IGFL2: variants seen among roughly 807,000 people sequenced by gnomAD.
The protein encoded by IGFL2 is IGF like family member 2, also known as insulin growth factor-like family member 2.
Under a neutral mutation model 13.9 loss-of-function variants are expected in IGFL2, and 7 were observed. The ratio of observed to expected loss-of-function variants is 0.51; its 90% confidence interval spans 0.29 to 0.95. The LOEUF (loss-of-function observed/expected upper bound fraction) is 0.95. Ranked by LOEUF, IGFL2 falls within the 40% of genes least tolerant of loss-of-function variation. IGFL2 has a pLI of 0.08. For missense variants in IGFL2, 138 were observed against 147.8 expected, an observed-to-expected ratio of 0.93 and a Z score of 0.34; for synonymous variants, 55 against 55.8, an observed-to-expected ratio of 0.99 and a Z score of 0.07.
At chr19:46,197,437 G>A in the IGFL2 span, 9 of 154,892 alleles carry the variant, frequency 5.8e-5, no homozygotes, top group Admixed American at 1.3e-4. Context: ...TCCTCCCTTC[G>A]TTTTTATTTT....
chr19:46,165,761 T>A (rs1974372283), downstream of IGFL2, among the ~76,000 whole-genome samples: 1 of 152,242 alleles, frequency 6.6e-6, no homozygotes, highest in Non-Finnish European at 1.5e-5. Flanking sequence ...TCTGGCTTGA[T>A]ACAGGCAAAG....
upstream of IGFL2, among the ~76,000 whole-genome samples, chr19:46,146,833 C>G (rs1325581931): frequency 6.6e-6 from 1 of 152,178 alleles, no homozygotes; most frequent in Non-Finnish European, 1.5e-5. Flanking sequence ...AACTCTTCTA[C>G]TAACAATGCA....
At chr19:46,184,741 G>T in the IGFL2 span, among the ~76,000 whole-genome samples, 3 of 152,214 alleles carry the variant, frequency 2.0e-5, no homozygotes, top group African/African-American at 4.8e-5. Context: ...GTTTATAGTA[G>T]AATGATTTAT....
the IGFL2 span, chr19:46,137,167 GT>G: frequency 1.2e-6 from 2 of 1,608,318 alleles, no homozygotes; most frequent in Non-Finnish European, 1.7e-6. Flanking sequence ...CTGGCATGAA[GT>G]TTTTGATGCC....
the IGFL2 span, among the ~76,000 whole-genome samples, chr19:46,104,534 A>T: frequency 3.3e-5 from 5 of 152,310 alleles, 1 homozygote; most frequent in Admixed American, 2.6e-4. Context: ...TGACTGCGGT[A>T]GCCTTCTCAG....
At chr19:46,120,406 G>GA in the IGFL2 span, 1 of 1,606,936 alleles carries the variant, frequency 6.2e-7, no homozygotes, top group Admixed American at 1.7e-5. Flanking sequence ...ATATTCTCAG[G>GA]AAAAAATTAT....
the IGFL2 span, among the ~76,000 whole-genome samples, chr19:46,108,298 A>C: frequency 6.6e-6 from 1 of 152,190 alleles, no homozygotes; most frequent in African/African-American, 2.4e-5. Context: ...GAGGTGTAAA[A>C]GAATGCCTGG....
the IGFL2 span, among the ~76,000 whole-genome samples, chr19:46,176,749 C>G: frequency 6.6e-6 from 1 of 152,186 alleles, no homozygotes; most frequent in African/African-American, 2.4e-5. Context: ...CTGCAGCAGG[C>G]TGCTGTTGAG....
chr19:46,088,551 T>C, the IGFL2 span, among the ~76,000 whole-genome samples: 1 of 152,234 alleles, frequency 6.6e-6, no homozygotes, highest in Non-Finnish European at 1.5e-5. Context: ...TAACCAGAAA[T>C]TAAAACTCTT....
chr19:46,154,540 T>C (rs1402415691), intron 1 of IGFL2, among the ~76,000 whole-genome samples: 3 of 152,084 alleles, frequency 2.0e-5, no homozygotes, highest in African/African-American at 7.2e-5. Context: ...GCCTCCTGGG[T>C]TCACGCCATT....
chr19:46,110,262 T>G, the IGFL2 span, among the ~76,000 whole-genome samples: 1 of 152,344 alleles, frequency 6.6e-6, no homozygotes, highest in East Asian at 1.9e-4. Context: ...AGACCCTGTC[T>G]TTGTTCAGGG....
chr19:46,184,502 A>T, the IGFL2 span, among the ~76,000 whole-genome samples: 1 of 152,010 alleles, frequency 6.6e-6, no homozygotes, highest in African/African-American at 2.4e-5. Context: ...CCCACTTATG[A>T]GTGAGAACAT....
At chr19:46,193,582 G>GA in the IGFL2 span, among the ~76,000 whole-genome samples, 33 of 150,896 alleles carry the variant, frequency 2.2e-4, no homozygotes, top group Non-Finnish European at 3.7e-4. Context: ...AATAAGGAAA[G>GA]AAAAAAAAAT....
At chr19:46,177,407 A>G in the IGFL2 span, among the ~76,000 whole-genome samples, 2 of 152,162 alleles carry the variant, frequency 1.3e-5, no homozygotes, top group Admixed American at 1.3e-4. Flanking sequence ...CAATATACAG[A>G]TAGTTTACTT....
the IGFL2 span, among the ~76,000 whole-genome samples, chr19:46,188,576 C>T: frequency 2.1e-3 from 322 of 152,280 alleles, 5 homozygotes; most frequent in East Asian, 0.016. Flanking sequence ...TTACAATAGA[C>T]CTCCTGGGTC....
chr19:46,119,699 T>G, the IGFL2 span, among the ~76,000 whole-genome samples: 2 of 148,954 alleles, frequency 1.3e-5, no homozygotes, highest in Non-Finnish European at 3.0e-5. Context: ...CTACTGCAGG[T>G]CAATTGGGAT....
intron 1 of IGFL2, chr19:46,159,861 A>T (rs2146884178): frequency 6.4e-6 from 1 of 156,662 alleles, no homozygotes; most frequent in South Asian, 2.0e-4. Context: ...TCACCTACTC[A>T]GGAAGCTGAA....
At chr19:46,136,756 G>A in the IGFL2 span, 7 of 601,092 alleles carry the variant, frequency 1.2e-5, no homozygotes, top group Middle Eastern at 2.0e-3. Flanking sequence ...TAAGCTGTAA[G>A]TTTCGGCTGA....
chr19:46,147,126 CT>C, upstream of IGFL2, among the ~76,000 whole-genome samples: 1 of 152,254 alleles, frequency 6.6e-6, no homozygotes, highest in Non-Finnish European at 1.5e-5. Context: ...CTGTCTGTTC[CT>C]TTTCTGTTCT....
Sources: allele counts gnomAD v4.1 joint callset (sites outside exome capture counted in the v4.1 genomes callset), GRCh38; gene constraint gnomAD v4.1.1; transcripts MANE v1.5; gene names NCBI Gene and HGNC (gene_info 2026-07-23, HGNC 2026-07-21).